CDK5RAP2: variants seen among roughly 807,000 people sequenced by gnomAD.
The protein encoded by CDK5RAP2 is CDK5 regulatory subunit associated protein 2, also known as CDK5 regulatory subunit-associated protein 2.
CDK5RAP2 carries 147 observed loss-of-function variants against 232.9 expected under a neutral mutation model. The ratio of observed to expected loss-of-function variants is 0.63; its 90% CI spans 0.55 to 0.72. The LOEUF (loss-of-function observed/expected upper bound fraction) is 0.72. Among genes scored for constraint, CDK5RAP2 ranks in the 30% least tolerant of loss-of-function variants. The pLI is 0.00. For synonymous variants in CDK5RAP2, 833 were observed against 833.7 expected, an observed-to-expected ratio of 1.00 and a Z score of 0.01; for missense variants, 2,195 against 2,231.5, an observed-to-expected ratio of 0.98 and a Z score of 0.33.
chr9:120,567,953 A>G (rs978982987), intron 3 of CDK5RAP2, among the ~76,000 whole-genome samples: 14 of 152,340 alleles, frequency 9.2e-5, no homozygotes, highest in Admixed American at 9.1e-4. Flanking sequence ...GGGACCATAA[A>G]TAACATGCCT....
intron 15 of CDK5RAP2, among the ~76,000 whole-genome samples, chr9:120,474,364 A>G (rs555713194): frequency 6.6e-6 from 1 of 152,280 alleles, no homozygotes; most frequent in South Asian, 2.1e-4. Context: ...ACATTTGGCC[A>G]TGTCTGGAGA....
chr9:120,523,024 T>C (rs2131869927), intron 11 of CDK5RAP2, among the ~76,000 whole-genome samples: 1 of 152,328 alleles, frequency 6.6e-6, no homozygotes, highest in South Asian at 2.1e-4. Context: ...AAAAACTCGC[T>C]GGTTTGTAAA....
Position 120,579,956 on chromosome 9 carries a change from T to C in CDK5RAP2, c.23A>G (p.Glu8Gly), listed in dbSNP as rs1409492839. MMDLVLE[E>G]DVTVPGTLSG... ...GAGCGTCCCAGGGACGGTGACGTCC[T>C]CTTCCAACACCAAGTCCATCATGGC... is the stretch of plus-strand genomic sequence containing the variant. Residue 8 changes from glutamate to glycine, a missense_variant, in exon 1 of 38, where the codon GAG becomes GGG. Coordinates refer to ENST00000349780, the MANE Select transcript of CDK5RAP2 (RefSeq NM_018249.6). 1 of 1,612,792 alleles carries C rather than the reference T, an allele frequency of 6.2e-7. No individual in the cohort carries two copies. The highest frequency in any genetic ancestry group is 1.1e-5 in the South Asian group (1 of 91,056).
Position 120,543,229 on chromosome 9 carries a change from C to T in CDK5RAP2, c.383+2485G>A, listed in dbSNP as rs556462815. ...TCTGTCACTCACCTCTCACCTCAAC[C>T]ACTGGACTAGCTTCCTGACTGGTCG... On this transcript the variant is annotated intron_variant, in intron 5 of 37. Coordinates refer to ENST00000349780, the MANE Select transcript of CDK5RAP2 (RefSeq NM_018249.6). Among the ~76,000 whole-genome samples, 100 of 152,324 alleles carry T rather than the reference C, an allele frequency of 6.6e-4. 1 individual carries two copies. The highest frequency in any genetic ancestry group is 2.1e-3 in the South Asian group (10 of 4,824).
At chr9:120,579,301 A>C (rs2043153685) in intron 1 of CDK5RAP2, among the ~76,000 whole-genome samples, 1 of 152,178 alleles carries the variant, frequency 6.6e-6, no homozygotes, top group African/African-American at 2.4e-5. Flanking sequence ...GACAGGCATC[A>C]CCTCTTTTAA....
chr9:120,533,944 GCT>G (rs1224803051), intron 7 of CDK5RAP2, among the ~76,000 whole-genome samples: 3 of 151,758 alleles, frequency 2.0e-5, no homozygotes, highest in Admixed American at 1.3e-4. Flanking sequence ...TCCATTCCCA[GCT>G]CTGTCACCTC....
intron 5 of CDK5RAP2, among the ~76,000 whole-genome samples, chr9:120,544,472 A>C (rs899142308): frequency 5.9e-5 from 9 of 152,244 alleles, no homozygotes; most frequent in African/African-American, 2.2e-4. Flanking sequence ...GTTCAGCATA[A>C]CCTGGAGAAG....
At chr9:120,553,746 T>C (rs1323185679) in intron 3 of CDK5RAP2, among the ~76,000 whole-genome samples, 2 of 152,212 alleles carry the variant, frequency 1.3e-5, no homozygotes, top group Non-Finnish European at 2.9e-5. Context: ...TATGTTACAT[T>C]TCTTTTAAAG....
intron 11 of CDK5RAP2, 146 bp from the exon 12 acceptor site, chr9:120,518,791 A>C: frequency 1.5e-6 from 1 of 667,964 alleles, no homozygotes; most frequent in Non-Finnish European, 2.6e-6. Flanking sequence ...AAGCAAAAAT[A>C]ATAGGAAGAT....
intron 7 of CDK5RAP2, 76 bp downstream of exon 7, chr9:120,536,296 G>A (rs568066018): frequency 6.6e-7 from 1 of 1,512,564 alleles, no homozygotes; most frequent in Admixed American, 1.7e-5. Context: ...GGATAAAAGA[G>A]AATAAAAGGA....
At chr9:120,408,816 G>T (rs2033657258) in intron 30 of CDK5RAP2, among the ~76,000 whole-genome samples, 1 of 152,262 alleles carries the variant, frequency 6.6e-6, no homozygotes, top group African/African-American at 2.4e-5. Context: ...CATTCTGCCT[G>T]AAATGATCTT....
chr9:120,415,927 T>G (rs1053858130), intron 27 of CDK5RAP2, among the ~76,000 whole-genome samples: 2 of 152,118 alleles, frequency 1.3e-5, no homozygotes, highest in Non-Finnish European at 2.9e-5. Flanking sequence ...TTCATGATGA[T>G]GCAGTATTAC....
rs1308229822 is a variant in CDK5RAP2, at chr9:120,471,786, G to A, written c.1820C>T (p.Thr607Ile). 6.2e-7 allele frequency: 1 copy of A among 1,614,034 alleles called. No individual in the cohort carries two copies. The highest frequency in any genetic ancestry group is 1.1e-5 in the South Asian group (1 of 91,082). The change falls in exon 16 of 38, where the codon ACC (threonine) becomes ATC (isoleucine). Residue 607 changes from threonine (T) to isoleucine (I), a missense_variant. Transcript: ENST00000349780. ...DVLSYQNLRK[T>I]LEEQISEIRR... ...AATTTCGCTGATCTGCTCCTCCAAG[G>A]TCTTCCGCAAATTCTGATATGAAAG...
chr9:120,478,602 G>A (rs572408463), intron 14 of CDK5RAP2, among the ~76,000 whole-genome samples: 68 of 152,108 alleles, frequency 4.5e-4, no homozygotes, highest in Non-Finnish European at 6.2e-4. Context: ...TGAGACCCCC[G>A]CCTCTACAAA....
In CDK5RAP2 at chr9:120,443,705, T is replaced by C; in HGVS notation, c.3063A>G (p.Pro1021=). Reference sequence around the variant, plus strand: ...TGGTTTTAATTCCTTTCTGCTCTCCTGGGCTGTCCTGGTAGGCTGCTCCCA... The same window carrying C: ...TGGTTTTAATTCCTTTCTGCTCTCCCGGGCTGTCCTGGTAGGCTGCTCCCA... ...PPVGAAYQDS[P]GEQKGIKTTS... Residue 1021 remains proline, a synonymous_variant, in exon 23 of 38, where the codon CCA becomes CCG. Transcript: ENST00000349780. 1 of 1,614,130 alleles carries C rather than the reference T, an allele frequency of 6.2e-7. No homozygotes were observed. Among genetic ancestry groups the C allele is most frequent in the Non-Finnish European group, 8.5e-7 (1 of 1,179,980 alleles).
chr9:120,405,760 G>A (rs529603761), intron 32 of CDK5RAP2, among the ~76,000 whole-genome samples: 1 of 152,240 alleles, frequency 6.6e-6, no homozygotes, highest in African/African-American at 2.4e-5. Context: ...GTCTATTATG[G>A]CTCCAAATCA....
chr9:120,497,819 CG>C (rs1372213853), intron 12 of CDK5RAP2, among the ~76,000 whole-genome samples: 3 of 152,138 alleles, frequency 2.0e-5, no homozygotes, highest in African/African-American at 7.2e-5. Context: ...GGAACATGTC[CG>C]GGGTTCAGGG....
intron 34 of CDK5RAP2, among the ~76,000 whole-genome samples, chr9:120,401,561 A>G: frequency 6.8e-6 from 1 of 147,272 alleles, no homozygotes. Context: ...GCAGTGTGCC[A>G]TAATCATGCC....
At chr9:120,548,020 T>C (rs1438708636) in intron 4 of CDK5RAP2, among the ~76,000 whole-genome samples, 1 of 151,998 alleles carries the variant, frequency 6.6e-6, no homozygotes, top group African/African-American at 2.4e-5. Context: ...ACATAAAAGC[T>C]CCCATGACAT....
Sources: allele counts gnomAD v4.1 joint callset (sites outside exome capture counted in the v4.1 genomes callset), GRCh38; gene constraint gnomAD v4.1.1; transcripts MANE v1.5; gene names NCBI Gene and HGNC (gene_info 2026-07-23, HGNC 2026-07-21).